The following THSD7B variants were observed in gnomAD, a reference collection of about 807,000 sequenced individuals.
THSD7B encodes the protein thrombospondin type-1 domain-containing protein 7B.
A neutral mutation model predicts 213.6 loss-of-function variants in THSD7B; 138 were observed. That is an observed-to-expected ratio of 0.65 (90% CI 0.56 to 0.74). THSD7B has a LOEUF of 0.74. Ranked by LOEUF, THSD7B falls within the 30% of genes least tolerant of loss-of-function variation. The pLI is 0.00. For missense variants in THSD7B, 1,931 were observed against 1,991.5 expected (o/e 0.97, Z 0.58); for synonymous variants, 742 against 687.0 (o/e 1.08, Z -1.25).
chr2:137,564,087 A>T (rs893344448), intron 16 of THSD7B, among the ~76,000 whole-genome samples: 1 of 152,226 alleles, frequency 6.6e-6, no homozygotes, highest in Non-Finnish European at 1.5e-5. Context: ...AATGATTAGT[A>T]TGTAAAATAA....
chr2:137,062,244 G>A (rs12989196), intron 3 of THSD7B, among the ~76,000 whole-genome samples: 12,386 of 151,218 alleles, frequency 0.082, 711 homozygotes, highest in African/African-American at 0.16. Context: ...TCCTAACCTG[G>A]CTAGAGGTTC....
intron 3 of THSD7B, among the ~76,000 whole-genome samples, chr2:137,083,879 A>G (rs985743898): frequency 6.6e-6 from 1 of 152,048 alleles, no homozygotes; most frequent in African/African-American, 2.4e-5. Context: ...ATGATTTCGA[A>G]TGGCCCACTG....
chr2:137,093,505 C>A (rs1187585434), intron 3 of THSD7B, among the ~76,000 whole-genome samples: 3 of 152,220 alleles, frequency 2.0e-5, no homozygotes, highest in Non-Finnish European at 4.4e-5. Context: ...GCAGGTAGAG[C>A]TAGCTCCAGT....
At chr2:136,968,969 G>A (rs1573740278) in intron 2 of THSD7B, among the ~76,000 whole-genome samples, 1 of 152,068 alleles carries the variant, frequency 6.6e-6, no homozygotes, top group Non-Finnish European at 1.5e-5. Context: ...ATATAATTCA[G>A]TTGCCCAGAG....
chr2:137,624,323 C>T (rs963523595), intron 20 of THSD7B, among the ~76,000 whole-genome samples: 8 of 152,218 alleles, frequency 5.3e-5, no homozygotes, highest in South Asian at 2.1e-4. Context: ...ATACAAAAAT[C>T]AATTCAAGAT....
intron 15 of THSD7B, among the ~76,000 whole-genome samples, chr2:137,525,558 A>G (rs1275107014): frequency 1.3e-5 from 2 of 152,158 alleles, no homozygotes; most frequent in Non-Finnish European, 2.9e-5. Flanking sequence ...TGCTGTCATT[A>G]TGGAGCTTAA....
chr2:137,201,271 G>A (rs1680869659), intron 7 of THSD7B, among the ~76,000 whole-genome samples: 1 of 152,080 alleles, frequency 6.6e-6, no homozygotes, highest in South Asian at 2.1e-4. Context: ...TCTGGGGTGT[G>A]TGTGCATGTG....
rs1014213220 is a variant in THSD7B, at chr2:137,676,891, T to C, written c.*286T>C. ...GTTTGGAACTGGGAGGAAGAAAACA[T>C]GATGGAATTCCCACAGACTTGAGTA... On this transcript the variant is annotated 3_prime_UTR_variant, in exon 28 of 28. Coordinates refer to ENST00000409968, the MANE Select transcript of THSD7B (RefSeq NM_001316349.2). 1 of 278,160 alleles carries C rather than the reference T, an allele frequency of 3.6e-6. No individual in the cohort carries two copies. The highest frequency in any genetic ancestry group is 6.6e-6 in the Non-Finnish European group (1 of 150,612). 17.2% of individuals were successfully genotyped at this position (278,160 alleles called of 1,614,324 possible).
At chr2:137,033,340 T>C (rs1205068505) in intron 2 of THSD7B, among the ~76,000 whole-genome samples, 2 of 152,218 alleles carry the variant, frequency 1.3e-5, no homozygotes, top group African/African-American at 4.8e-5. Flanking sequence ...TCCAGCAGGC[T>C]AGCTCAGGCC....
chr2:137,409,151 C>T (rs72847171), intron 13 of THSD7B, among the ~76,000 whole-genome samples: 2,923 of 152,204 alleles, frequency 0.019, 57 homozygotes, highest in Non-Finnish European at 0.027. Flanking sequence ...TTTCAGTAGA[C>T]CAGTGATTTG....
intron 7 of THSD7B, among the ~76,000 whole-genome samples, chr2:137,171,970 G>A (rs1558946314): frequency 6.6e-6 from 1 of 152,158 alleles, no homozygotes; most frequent in Non-Finnish European, 1.5e-5. Context: ...ATTAGCTACA[G>A]CAGAGTTAAA....
At chr2:137,556,581 C>A (rs1213741982) in intron 15 of THSD7B, among the ~76,000 whole-genome samples, 4 of 152,176 alleles carry the variant, frequency 2.6e-5, no homozygotes, top group African/African-American at 9.7e-5. Flanking sequence ...CCAGCCACTG[C>A]AAAAACATGC....
intron 1 of THSD7B, among the ~76,000 whole-genome samples, chr2:136,840,104 C>T (rs1477614226): frequency 2.6e-5 from 4 of 152,078 alleles, no homozygotes; most frequent in Non-Finnish European, 5.9e-5. Context: ...AGAGGCTGAG[C>T]GTGGTGGCTC....
At chr2:137,428,893 C>T (rs932663575) in intron 14 of THSD7B, among the ~76,000 whole-genome samples, 3 of 152,108 alleles carry the variant, frequency 2.0e-5, no homozygotes, top group African/African-American at 4.8e-5. Context: ...GGAGTAATGC[C>T]CTCATAAACA....
At position 136,834,772 on chromosome 2, in the gene THSD7B, T is replaced by A. The variant is rs569613437; in HGVS notation, c.-35-47372T>A. On this transcript the variant is annotated intron_variant, in intron 1 of 27. Coordinates refer to ENST00000409968, the MANE Select transcript of THSD7B (RefSeq NM_001316349.2). ...CAACAGTTAGCACTGTTTGGACAGCTGCTACTTACCACTCAGTTTTATATG... is the reference window on the plus strand; with the variant it reads ...CAACAGTTAGCACTGTTTGGACAGCAGCTACTTACCACTCAGTTTTATATG... 2.6e-5 allele frequency among the ~76,000 whole-genome samples: 4 copies of A among 152,324 alleles called. No homozygotes were observed. In the South Asian group the frequency reaches 8.3e-4, roughly 32 times the overall value.
At chr2:137,530,490 A>G (rs887898547) in intron 15 of THSD7B, among the ~76,000 whole-genome samples, 9 of 151,994 alleles carry the variant, frequency 5.9e-5, no homozygotes, top group African/African-American at 2.2e-4. Context: ...GATTTGTAAA[A>G]TGACCCTTGA....
At chr2:137,261,970 T>C (rs1682462788) in intron 10 of THSD7B, among the ~76,000 whole-genome samples, 2 of 148,278 alleles carry the variant, frequency 1.3e-5, no homozygotes, top group Admixed American at 6.7e-5. Flanking sequence ...TAGCGAGTGA[T>C]GGGCAGAACA....
intron 5 of THSD7B, among the ~76,000 whole-genome samples, chr2:137,148,378 A>G (rs1037662004): frequency 1.3e-5 from 2 of 152,132 alleles, no homozygotes; most frequent in African/African-American, 2.4e-5. Context: ...AATACAAAAA[A>G]CTGGTACTGC....
intron 2 of THSD7B, among the ~76,000 whole-genome samples, chr2:136,888,305 G>GA (rs936291139): frequency 1.6e-4 from 24 of 151,846 alleles, no homozygotes; most frequent in Admixed American, 1.0e-3. Flanking sequence ...AATATTTTTG[G>GA]AAAAAAGAGA....
Sources: gnomAD v4.1 joint callset for allele counts (sites outside exome capture counted in the v4.1 genomes callset) on GRCh38, gnomAD v4.1.1 for gene constraint, MANE v1.5 for transcripts, NCBI Gene and HGNC (gene_info 2026-07-23, HGNC 2026-07-21) for gene names.